IRAG1: variants seen among roughly 807,000 people sequenced by gnomAD.
IRAG1 encodes the protein inositol 1,4,5-triphosphate receptor associated 1.
IRAG1 carries 62 observed loss-of-function variants against 106.2 expected under a neutral mutation model. The ratio of observed to expected loss-of-function variants is 0.58; its 90% CI spans 0.48 to 0.72. IRAG1 has a LOEUF of 0.72. Ranked by LOEUF, IRAG1 falls within the 30% of genes least tolerant of loss-of-function variation. The probability of loss-of-function intolerance (pLI) is 0.00; values close to 1 mark genes in which losing one functional copy is unlikely to be tolerated. For missense variants in IRAG1, 1,064 were observed against 1,140.7 expected (o/e 0.93, Z 0.97); for synonymous variants, 462 against 443.9 (o/e 1.04, Z -0.51).
intron 12 of IRAG1, among the ~76,000 whole-genome samples, chr11:10,605,392 T>C (rs191265737): frequency 1.2e-3 from 181 of 152,300 alleles, no homozygotes; most frequent in African/African-American, 4.1e-3. Context: ...TCCAGAAGAA[T>C]TGAAGGTACA....
In IRAG1 at chr11:10,627,958, G is replaced by T. The variant is rs779246791; in HGVS notation, c.705+15C>A. ...TTGGCATAGAAACAGCACAGCAGGT[G>T]GGGGGTCCTGTCACCTGTGGTGGTG... On this transcript the variant is annotated intron_variant, in intron 7 of 20. Transcript: ENST00000423302. 14 of 1,599,166 alleles carry T rather than the reference G, an allele frequency of 8.8e-6. No homozygotes were observed. The highest frequency in any genetic ancestry group is 6.7e-5 in the African/African-American group (5 of 74,732).
chr11:10,594,240 G>GC (rs1564896685), intron 15 of IRAG1, 45 bp from the exon 16 acceptor site: 2 of 1,568,886 alleles, frequency 1.3e-6, no homozygotes, highest in Non-Finnish European at 1.7e-6. Flanking sequence ...TAAGTTTCAG[G>GC]CTAGGCACCA....
At chr11:10,661,926 A>G (rs1475379276) in intron 1 of IRAG1, among the ~76,000 whole-genome samples, 1 of 152,136 alleles carries the variant, frequency 6.6e-6, no homozygotes, top group African/African-American at 2.4e-5. Context: ...CCAGAACTCA[A>G]CCCAACTAGA....
rs1850713068 is a variant in IRAG1 at position 10,574,198 on chromosome 11, A to T, written c.*2134T>A. The T allele has an allele frequency of 1.3e-5, 2 of 152,214 alleles. No individual in the cohort carries two copies. The highest frequency in any genetic ancestry group is 2.9e-5 in the Non-Finnish European group (2 of 68,058). The allele number at this position is 152,214 out of a possible 1,614,324, so 9.4% of individuals were successfully genotyped here. On this transcript the variant is annotated 3_prime_UTR_variant, in exon 21 of 21. Transcript: ENST00000423302. ...AGTCTGGTCTCATTCCTGCTCTCTC[A>T]CAGAGTAGACTGAAAAACAGAATAA...
intron 10 of IRAG1, among the ~76,000 whole-genome samples, chr11:10,616,587 T>A (rs986719637): frequency 8.5e-5 from 13 of 152,234 alleles, no homozygotes; most frequent in African/African-American, 3.1e-4. Context: ...ATGCATTTCA[T>A]AATACATTTT....
rs1015657678 is a variant in IRAG1, at chr11:10,659,325, T to G, written c.68-7143A>C. ...TGGTGGAAGCCCCAGGATTCTCTCC[T>G]GAAAGTGGATCTAGATTGAAGGGAA... On this transcript the variant is annotated intron_variant, in intron 1 of 20. Coordinates refer to ENST00000423302, the MANE Select transcript of IRAG1 (RefSeq NM_130385.4). The surrounding 1 kb of genome is among the most constrained non-coding windows in gnomAD (Gnocchi z 4.1). Among the ~76,000 whole-genome samples the G allele has an allele frequency of 6.6e-6, 1 of 152,132 alleles. No individual in the cohort carries two copies. The highest frequency in any genetic ancestry group is 1.5e-5 in the Non-Finnish European group (1 of 68,016).
rs1850794658 is a variant in IRAG1 at position 10,576,011 on chromosome 11, A to G, written c.*321T>C. 2 of 319,538 alleles carry G rather than the reference A, an allele frequency of 6.3e-6. No individual in the cohort carries two copies. Among genetic ancestry groups the G allele is most frequent in the South Asian group, 4.4e-5 (1 of 22,546 alleles). The allele number at this position is 319,538 out of a possible 1,614,324, so 19.8% of individuals were successfully genotyped here. A position where few individuals can be genotyped will look rare whatever the true frequency, so the allele number is the denominator to read the frequency against. ...CCCCCGTGCCCCGCTCCTTACCCCC[A>G]ACCACCAGTGAAGGTGTTTTAGTTC... On this transcript the variant is annotated 3_prime_UTR_variant, in exon 21 of 21. Transcript: ENST00000423302.
At chr11:10,654,410 GCTGT>G (rs1161177163) in intron 1 of IRAG1, among the ~76,000 whole-genome samples, 1 of 152,232 alleles carries the variant, frequency 6.6e-6, no homozygotes, top group Non-Finnish European at 1.5e-5. Context: ...CATCTTGATT[GCTGT>G]CTTTCTCTGC....
At chr11:10,636,825 A>G (rs889736410) in intron 2 of IRAG1, among the ~76,000 whole-genome samples, 2 of 152,214 alleles carry the variant, frequency 1.3e-5, no homozygotes, top group African/African-American at 4.8e-5. Flanking sequence ...TTGCACGACA[A>G]AGATGTTAGA....
intron 14 of IRAG1, among the ~76,000 whole-genome samples, chr11:10,601,281 G>A (rs1853973450): frequency 6.6e-6 from 1 of 152,240 alleles, no homozygotes; most frequent in Non-Finnish European, 1.5e-5. Flanking sequence ...TGCAGGAGAT[G>A]ACAGGCAGAG....
intron 9 of IRAG1, among the ~76,000 whole-genome samples, chr11:10,624,908 T>C (rs1053364295): frequency 3.3e-5 from 5 of 152,178 alleles, no homozygotes; most frequent in Non-Finnish European, 7.4e-5. Flanking sequence ...TATCGGCCCC[T>C]TGGCTCCAAC....
chr11:10,652,049 C>A lies in IRAG1; in HGVS notation c.201G>T (p.Gln67His). The change falls in exon 2 of 21, where the codon CAG becomes CAT. Residue 67 changes from glutamine (Q) to histidine (H), a missense_variant. By Grantham distance (24) the Gln-to-His change is conservative (BLOSUM62 0). Coordinates refer to ENST00000423302, the MANE Select transcript of IRAG1 (RefSeq NM_130385.4). ...CTTGGCCGGCAGGGCTCTGGGCTGC[C>A]TGTGGCTCTCCGGGGGGCTCCTCGT... ...PEDEEPPGEP[Q>H]AAQSPAGQGP... 6.3e-7 allele frequency: 1 copy of A among 1,586,446 alleles called. No homozygotes were observed. The highest frequency in any genetic ancestry group is 8.6e-7 in the Non-Finnish European group (1 of 1,167,418).
rs150024466 is a variant in IRAG1, at chr11:10,582,004, G to A, written c.2241-18C>T. ...TCTTTCCACTAGTGAGAAGAGGGAAGTACAGGGCATCATTTCAGAAAAAGG... is the reference window on the plus strand; with the variant it reads ...TCTTTCCACTAGTGAGAAGAGGGAAATACAGGGCATCATTTCAGAAAAAGG... On this transcript the variant is annotated intron_variant, in intron 18 of 20. Coordinates refer to ENST00000423302, the MANE Select transcript of IRAG1 (RefSeq NM_130385.4). 1.2e-6 allele frequency: 2 copies of A among 1,600,086 alleles called. No homozygotes were observed. The highest frequency in any genetic ancestry group is 1.3e-5 in the African/African-American group (1 of 74,348).
In IRAG1 at chr11:10,610,854, A is replaced by G. The variant is rs188458880; in HGVS notation, c.1448-1003T>C. 1.3e-5 allele frequency among the ~76,000 whole-genome samples: 2 copies of G among 152,324 alleles called. 1 individual carries two copies. Among genetic ancestry groups the G allele is most frequent in the Admixed American group, 1.3e-4 (2 of 15,294 alleles). Reference sequence around the variant, plus strand: ...AAATCAGTTATCCTCATCCTGTATAATGGTTACTTTCCATTTGCATGTAGA... The same window carrying G: ...AAATCAGTTATCCTCATCCTGTATAGTGGTTACTTTCCATTTGCATGTAGA... On this transcript the variant is annotated intron_variant, in intron 10 of 20. Transcript: ENST00000423302.
intron 1 of IRAG1, among the ~76,000 whole-genome samples, chr11:10,660,021 G>C (rs1405593219): frequency 6.6e-6 from 1 of 152,172 alleles, no homozygotes; most frequent in Non-Finnish European, 1.5e-5. Context: ...GGAGGATCAG[G>C]AACTGTCTCC....
At chr11:10,666,269 C>G (rs1335046343) in intron 1 of IRAG1, among the ~76,000 whole-genome samples, 1 of 152,208 alleles carries the variant, frequency 6.6e-6, no homozygotes, top group Non-Finnish European at 1.5e-5. Context: ...CTTACAACAG[C>G]CCTGCATGGT....
intron 11 of IRAG1, among the ~76,000 whole-genome samples, chr11:10,607,193 G>A (rs1398536417): frequency 1.3e-5 from 2 of 152,182 alleles, no homozygotes; most frequent in East Asian, 3.8e-4. Context: ...GAAAATGCAT[G>A]TGATAAGGAC....
chr11:10,631,947 C>A (rs758740430), intron 4 of IRAG1, 44 bp downstream of exon 4: 6 of 1,558,116 alleles, frequency 3.9e-6, no homozygotes, highest in Admixed American at 1.7e-5. Flanking sequence ...CGCTGCCAGA[C>A]CTGTCTTTCT....
chr11:10,611,978 G>A (rs931920102), intron 10 of IRAG1, among the ~76,000 whole-genome samples: 2 of 152,128 alleles, frequency 1.3e-5, no homozygotes, highest in Admixed American at 6.5e-5. Context: ...CAGAATGATC[G>A]CACAGAACAC....
Sources: gnomAD v4.1 joint callset for allele counts (sites outside exome capture counted in the v4.1 genomes callset) on GRCh38, gnomAD v4.1.1 for gene constraint, Gnocchi (gnomAD v3.1) non-coding constraint, MANE v1.5 for transcripts, NCBI Gene and HGNC (gene_info 2026-07-23, HGNC 2026-07-21) for gene names.